Variants in PATJ observed in about 807,000 individuals in gnomAD.
PATJ encodes inaD-like protein.
A neutral mutation model predicts 224.9 loss-of-function variants in PATJ; 190 were observed. The ratio of observed to expected loss-of-function variants is 0.84; its 90% CI spans 0.75 to 0.95. PATJ has a LOEUF of 0.95. PATJ is among the 40% of genes least tolerant of loss of function. PATJ has a pLI of 0.00. For synonymous variants in PATJ, 769 were observed against 820.3 expected, an observed-to-expected ratio of 0.94 and a Z score of 1.07; for missense variants, 2,121 against 2,270.3, an observed-to-expected ratio of 0.93 and a Z score of 1.34.
chr1:61,938,772 AG>A (rs1677285048), intron 27 of PATJ, among the ~76,000 whole-genome samples: 1 of 152,114 alleles, frequency 6.6e-6, no homozygotes, highest in Admixed American at 6.6e-5. Flanking sequence ...AAATAGTCCC[AG>A]GTGTTTATTT....
At chr1:61,791,203 C>T (rs1188230028) in intron 8 of PATJ, 145 bp from the exon 9 acceptor site, 3 of 502,726 alleles carry the variant, frequency 6.0e-6, no homozygotes, top group Non-Finnish European at 1.1e-5. Flanking sequence ...GGGAGTAGCA[C>T]CAGGAATTGA....
intron 27 of PATJ, among the ~76,000 whole-genome samples, chr1:61,947,790 C>T (rs943860537): frequency 6.6e-6 from 1 of 152,204 alleles, no homozygotes; most frequent in African/African-American, 2.4e-5. Context: ...AAGCTGGAGT[C>T]ATCTCGCTAC....
At position 61,861,431 on chromosome 1, in the gene PATJ, C is replaced by T. The variant is rs1198302365; in HGVS notation, c.2323-120C>T. ...ATTGGTGATTTACTGCACTTATCAA[C>T]CCATCATCTAGGTTTTAAGCCCCGT... On this transcript the variant is annotated intron_variant, in intron 18 of 43. Transcript: ENST00000642238. The T allele has an allele frequency of 1.3e-5, 7 of 533,618 alleles. No homozygotes were observed. The East Asian group carries it at 2.1e-4, about 16-fold the overall frequency. 33.1% of individuals were successfully genotyped at this position (533,618 alleles called of 1,614,324 possible). A position where few individuals can be genotyped will look rare whatever the true frequency, so the allele number is the denominator to read the frequency against.
At chr1:61,801,903 C>A in intron 12 of PATJ, 134 bp downstream of exon 12, 2 of 477,976 alleles carry the variant, frequency 4.2e-6, no homozygotes, top group Non-Finnish European at 6.9e-6. Context: ...TTAATATCAA[C>A]TTTTTTTTTG....
At chr1:62,043,728 G>T (rs370826293) in intron 30 of PATJ, among the ~76,000 whole-genome samples, 10 of 151,380 alleles carry the variant, frequency 6.6e-5, no homozygotes, top group South Asian at 2.1e-4. Flanking sequence ...TTTTGGTTTG[G>T]GGGGGGCAGT....
At chr1:62,091,757 TA>T (rs951033849) in intron 33 of PATJ, among the ~76,000 whole-genome samples, 24 of 150,234 alleles carry the variant, frequency 1.6e-4, no homozygotes, top group Non-Finnish European at 3.1e-4. Flanking sequence ...TCTCTTATTT[TA>T]AAAAAAAATA....
chr1:61,748,840 G>C (rs1277179730), intron 1 of PATJ, among the ~76,000 whole-genome samples: 3 of 151,980 alleles, frequency 2.0e-5, no homozygotes, highest in African/African-American at 7.3e-5. Flanking sequence ...TTTTTGTAGA[G>C]ATGGGGTTTT....
At chr1:61,953,337 G>A (rs576452013) in intron 27 of PATJ, among the ~76,000 whole-genome samples, 2 of 152,236 alleles carry the variant, frequency 1.3e-5, no homozygotes, top group East Asian at 1.9e-4. Flanking sequence ...CAGTGCACAC[G>A]CAAATTAGGT....
chr1:62,057,340 G>A lies in PATJ; in HGVS notation c.4125+6282G>A, dbSNP rs541642074. Among the ~76,000 whole-genome samples the A allele has an allele frequency of 3.6e-4, 55 of 152,288 alleles. No individual in the cohort carries two copies. In the South Asian group the frequency reaches 0.011, roughly 32 times the overall value. ...GAGTCTGATGAACTGAAAGTCTGTGGTTGCCAGATTGGTGAGATGGAAGCG... is the reference window on the plus strand; with the variant it reads ...GAGTCTGATGAACTGAAAGTCTGTGATTGCCAGATTGGTGAGATGGAAGCG... On this transcript the variant is annotated intron_variant, in intron 31 of 43. Transcript: ENST00000642238.
intron 31 of PATJ, chr1:62,073,507 C>T (rs1657783400): frequency 5.8e-6 from 1 of 173,224 alleles, no homozygotes; most frequent in Non-Finnish European, 1.1e-5. Context: ...GTGGTGCATG[C>T]CTGTAGTCTC....
chr1:61,793,375 A>C (rs1390541682), intron 9 of PATJ, among the ~76,000 whole-genome samples: 1 of 152,214 alleles, frequency 6.6e-6, no homozygotes, highest in Non-Finnish European at 1.5e-5. Flanking sequence ...GATAGGTCAG[A>C]GTTTACCAGA....
At chr1:61,752,363 G>A (rs1475508374) in intron 1 of PATJ, among the ~76,000 whole-genome samples, 1 of 145,242 alleles carries the variant, frequency 6.9e-6, no homozygotes, top group Non-Finnish European at 1.5e-5. Context: ...ACCCAGGCTG[G>A]AGTGCAATGG....
intron 27 of PATJ, among the ~76,000 whole-genome samples, chr1:61,966,794 C>G (rs1366661784): frequency 6.6e-6 from 1 of 151,938 alleles, no homozygotes; most frequent in African/African-American, 2.4e-5. Flanking sequence ...TGATTATATG[C>G]TAAACAAGAG....
chr1:61,984,197 G>C (rs1236142782), intron 27 of PATJ, among the ~76,000 whole-genome samples: 1 of 143,470 alleles, frequency 7.0e-6, no homozygotes, highest in African/African-American at 2.6e-5. Context: ...GTGTTGCTCT[G>C]TCACCCAGGC....
chr1:62,072,186 G>A (rs1273047995), intron 31 of PATJ, among the ~76,000 whole-genome samples: 4 of 152,040 alleles, frequency 2.6e-5, no homozygotes, highest in African/African-American at 2.4e-5. Flanking sequence ...CACTTTCCAC[G>A]TGTTTAGGCA....
chr1:61,895,328 G>A (rs11207859), intron 22 of PATJ, among the ~76,000 whole-genome samples: 94,440 of 152,098 alleles, frequency 0.62, 30,183 homozygotes, highest in Middle Eastern at 0.7. Context: ...TATCTCCAGG[G>A]CATGTCAGAA....
At chr1:61,868,032 A>G (rs1447242950) in intron 20 of PATJ, among the ~76,000 whole-genome samples, 1 of 152,190 alleles carries the variant, frequency 6.6e-6, no homozygotes, top group Non-Finnish European at 1.5e-5. Context: ...TGGAGGGCAA[A>G]TGGTACCTAA....
intron 16 of PATJ, among the ~76,000 whole-genome samples, chr1:61,829,898 T>C (rs978642705): frequency 3.9e-5 from 6 of 152,232 alleles, no homozygotes; most frequent in Non-Finnish European, 8.8e-5. Flanking sequence ...TGTTGGAAGA[T>C]ATAAGTGTTT....
At chr1:61,941,159 A>T (rs886845946) in intron 27 of PATJ, among the ~76,000 whole-genome samples, 1 of 152,192 alleles carries the variant, frequency 6.6e-6, no homozygotes, top group Admixed American at 6.5e-5. Context: ...ACACAGGAAA[A>T]TTTTTTGAGA....
Sources: gnomAD v4.1 joint callset for allele counts (sites outside exome capture counted in the v4.1 genomes callset) on GRCh38, gnomAD v4.1.1 for gene constraint, MANE v1.5 for transcripts, NCBI Gene and HGNC (gene_info 2026-07-23, HGNC 2026-07-21) for gene names.